The following CDH12 variants were observed in gnomAD, a reference collection of about 807,000 sequenced individuals.
CDH12 encodes the protein cadherin 12.
A neutral mutation model predicts 74.1 loss-of-function variants in CDH12; 41 were observed. The ratio of observed to expected loss-of-function variants is 0.55; its 90% CI spans 0.43 to 0.72. The LOEUF (loss-of-function observed/expected upper bound fraction) is 0.72. CDH12 is among the 30% of genes least tolerant of loss of function. The pLI, the probability that CDH12 is intolerant of heterozygous loss-of-function variation, is 0.00. For missense variants in CDH12, 945 were observed against 977.2 expected (o/e 0.97, Z 0.44); for synonymous variants, 399 against 355.0 (o/e 1.12, Z -1.39).
At chr5:22,435,928 T>TC (rs1037291811) in intron 2 of CDH12, among the ~76,000 whole-genome samples, 2 of 151,566 alleles carry the variant, frequency 1.3e-5, no homozygotes, top group Admixed American at 6.6e-5. Context: ...CTCACTGGTT[T>TC]CCCCCCACCC....
At chr5:22,823,549 G>C (rs1561057087) in intron 1 of CDH12, among the ~76,000 whole-genome samples, 1 of 151,844 alleles carries the variant, frequency 6.6e-6, no homozygotes, top group East Asian at 1.9e-4. Context: ...CCCAGTCTTG[G>C]GTATGTCTTC....
intron 5 of CDH12, among the ~76,000 whole-genome samples, chr5:21,992,084 T>C (rs1026678424): frequency 1.3e-5 from 2 of 152,076 alleles, no homozygotes; most frequent in Admixed American, 1.3e-4. Context: ...AGATCATTTT[T>C]TTAAAGCTCT....
At chr5:21,838,222 G>T (rs1749648013) in intron 8 of CDH12, among the ~76,000 whole-genome samples, 1 of 152,134 alleles carries the variant, frequency 6.6e-6, no homozygotes, top group Non-Finnish European at 1.5e-5. Context: ...AGGAAATCAA[G>T]ATAGTAATGA....
At chr5:22,721,240 G>A (rs1313837818) in intron 1 of CDH12, among the ~76,000 whole-genome samples, 37 of 152,234 alleles carry the variant, frequency 2.4e-4, no homozygotes, top group Non-Finnish European at 2.1e-4. Flanking sequence ...GCTAAAAGGG[G>A]CCAAGGTGGA....
intron 1 of CDH12, among the ~76,000 whole-genome samples, chr5:22,734,350 A>C (rs534850689): frequency 3.3e-5 from 5 of 151,908 alleles, no homozygotes; most frequent in African/African-American, 1.2e-4. Context: ...CAACATAATA[A>C]AAAAAATGCA....
intron 2 of CDH12, among the ~76,000 whole-genome samples, chr5:22,471,500 T>C (rs1745957215): frequency 6.6e-6 from 1 of 152,224 alleles, no homozygotes; most frequent in South Asian, 2.1e-4. Context: ...TATCTTAAAA[T>C]ATTTTCTTGA....
intron 1 of CDH12, among the ~76,000 whole-genome samples, chr5:22,711,469 T>C (rs1743284410): frequency 6.6e-6 from 1 of 152,102 alleles, no homozygotes; most frequent in African/African-American, 2.4e-5. Flanking sequence ...ACAAAGGGTA[T>C]TGCTAAGAAA....
chr5:22,257,667 T>C (rs1291097495), intron 3 of CDH12, among the ~76,000 whole-genome samples: 1 of 151,842 alleles, frequency 6.6e-6, no homozygotes, highest in African/African-American at 2.4e-5. Flanking sequence ...GCCTGGCTAA[T>C]TTTTTGTATT....
chr5:22,114,266 G>C (rs979787613), intron 4 of CDH12, among the ~76,000 whole-genome samples: 5 of 152,134 alleles, frequency 3.3e-5, no homozygotes, highest in Non-Finnish European at 7.4e-5. Context: ...GATTGGTACT[G>C]TGTGCCATTG....
chr5:22,325,909 G>GAACAAC (rs371346111), intron 3 of CDH12, among the ~76,000 whole-genome samples: 3 of 151,268 alleles, frequency 2.0e-5, no homozygotes, highest in African/African-American at 4.8e-5. Context: ...CTCCGTCTCA[G>GAACAAC]AACAACAACA....
chr5:22,502,581 C>T (rs1319682752), intron 2 of CDH12, among the ~76,000 whole-genome samples: 2 of 151,774 alleles, frequency 1.3e-5, no homozygotes, highest in African/African-American at 4.8e-5. Flanking sequence ...TAAATTGGTG[C>T]TCCCAAAAGA....
intron 1 of CDH12, among the ~76,000 whole-genome samples, chr5:22,800,038 T>A (rs1309473885): frequency 6.6e-6 from 1 of 152,172 alleles, no homozygotes; most frequent in Non-Finnish European, 1.5e-5. Context: ...TGATAAATGC[T>A]AGGAAAGAGG....
chr5:22,331,816 A>G (rs2150446063), intron 3 of CDH12, among the ~76,000 whole-genome samples: 1 of 152,320 alleles, frequency 6.6e-6, no homozygotes, highest in Middle Eastern at 3.4e-3. Flanking sequence ...AACATGTTGA[A>G]ATAACCAAAA....
chr5:22,215,609 G>C (rs1211784450), intron 3 of CDH12, among the ~76,000 whole-genome samples: 2 of 151,976 alleles, frequency 1.3e-5, no homozygotes, highest in South Asian at 4.1e-4. Context: ...CAAGAAAATA[G>C]CTCCACTCTA....
At chr5:22,415,737 A>C (rs964058909) in intron 2 of CDH12, among the ~76,000 whole-genome samples, 1 of 152,204 alleles carries the variant, frequency 6.6e-6, no homozygotes, top group Non-Finnish European at 1.5e-5. Flanking sequence ...CAAATGTTAT[A>C]TTATGTATCA....
At chr5:22,654,680 G>A (rs1018368525) in intron 1 of CDH12, among the ~76,000 whole-genome samples, 3 of 150,194 alleles carry the variant, frequency 2.0e-5, no homozygotes, top group Non-Finnish European at 1.5e-5. Flanking sequence ...TTGTTGCCTA[G>A]GCTGGAGTGC....
At chr5:22,847,644 G>A (rs1300441081) in intron 1 of CDH12, among the ~76,000 whole-genome samples, 5 of 151,976 alleles carry the variant, frequency 3.3e-5, no homozygotes, top group African/African-American at 7.2e-5. Flanking sequence ...TTAGCATCAC[G>A]TTTTGGTTAT....
intron 3 of CDH12, among the ~76,000 whole-genome samples, chr5:22,268,717 T>C (rs1227040983): frequency 3.3e-5 from 5 of 152,072 alleles, no homozygotes; most frequent in Admixed American, 1.3e-4. Context: ...GAAAATACAG[T>C]GTAGTATGAT....
intron 4 of CDH12, among the ~76,000 whole-genome samples, chr5:22,120,975 A>G (rs1027388063): frequency 6.6e-6 from 1 of 152,222 alleles, no homozygotes; most frequent in Non-Finnish European, 1.5e-5. Flanking sequence ...TGTATTAAGC[A>G]AGTAAATATT....
Sources: allele counts gnomAD v4.1 joint callset (sites outside exome capture counted in the v4.1 genomes callset), GRCh38; gene constraint gnomAD v4.1.1; transcripts MANE v1.5; gene names NCBI Gene and HGNC (gene_info 2026-07-23, HGNC 2026-07-21).